Variants in ANO10 observed in about 807,000 individuals in gnomAD.
The protein encoded by ANO10 is anoctamin-10.
ANO10 carries 77 observed loss-of-function variants against 74.7 expected under a neutral mutation model. The ratio of observed to expected loss-of-function variants is 1.03; its 90% CI spans 0.86 to 1.25. The LOEUF is 1.25. ANO10 is among the 50% of genes most tolerant of loss of function. The pLI, the probability that ANO10 is intolerant of heterozygous loss-of-function variation, is 0.00. For synonymous variants in ANO10, 279 were observed against 284.9 expected (o/e 0.98, Z 0.21); for missense variants, 721 against 778.1 (o/e 0.93, Z 0.87).
At position 43,524,459 on chromosome 3, in the gene ANO10, C is replaced by A. The variant is rs184131097; in HGVS notation, c.1797+25261G>T. On this transcript the variant is annotated intron_variant, in intron 11 of 12. Transcript: ENST00000292246. ...CAGTTCCTGCATTTACAGTCCACCC[C>A]ACAGCAGTAATCTGGCCTGGCCCTA... Among the ~76,000 whole-genome samples the A allele has an allele frequency of 1.3e-4, 20 of 152,224 alleles. No homozygotes were observed. In the East Asian group the frequency reaches 3.5e-3, roughly 26 times the overall value.
At chr3:43,367,107 C>T in intron 12 of ANO10, 133 bp from the exon 13 acceptor site, 1 of 800,896 alleles carries the variant, frequency 1.2e-6, no homozygotes, top group Admixed American at 2.0e-5. Flanking sequence ...CCTGCAGCTT[C>T]CTGCAAGTCC....
intron 10 of ANO10, chr3:43,551,397 G>T: frequency 2.5e-6 from 1 of 395,252 alleles, no homozygotes; most frequent in East Asian, 7.6e-5. Flanking sequence ...CACCTATATT[G>T]AGTTATAATT....
chr3:43,407,325 G>A (rs2092594500), intron 12 of ANO10, among the ~76,000 whole-genome samples: 1 of 152,286 alleles, frequency 6.6e-6, no homozygotes, highest in Non-Finnish European at 1.5e-5. Context: ...CGCGCAGACT[G>A]GAATTCAGAC....
intron 11 of ANO10, chr3:43,484,864 C>T (rs66842319): frequency 0.25 from 140,909 of 573,828 alleles, 18,819 homozygotes; most frequent in Middle Eastern, 0.34. Flanking sequence ...CTGTGTTCTC[C>T]GCCAACAGGC....
At chr3:43,667,072 G>GTTTTTT (rs55764466) in intron 1 of ANO10, among the ~76,000 whole-genome samples, 13 of 56,140 alleles carry the variant, frequency 2.3e-4, no homozygotes, top group East Asian at 6.2e-4. Flanking sequence ...TACAATGCAT[G>GTTTTTT]TTTTTTTTTT....
intron 11 of ANO10, among the ~76,000 whole-genome samples, chr3:43,487,254 T>C (rs1307487399): frequency 6.6e-6 from 1 of 152,084 alleles, no homozygotes; most frequent in Non-Finnish European, 1.5e-5. Flanking sequence ...AGGATATTGG[T>C]CTAAAATTCT....
At chr3:43,439,841 C>T (rs537531051) in intron 11 of ANO10, among the ~76,000 whole-genome samples, 33 of 152,138 alleles carry the variant, frequency 2.2e-4, no homozygotes, top group South Asian at 1.0e-3. Flanking sequence ...GTGATTGTGC[C>T]GCTCCATTCC....
chr3:43,504,814 G>T (rs1280237001), intron 11 of ANO10, among the ~76,000 whole-genome samples: 1 of 151,936 alleles, frequency 6.6e-6, no homozygotes, highest in Non-Finnish European at 1.5e-5. Flanking sequence ...GCTAATTTTT[G>T]TATTTTTAGT....
rs539165583 is a variant in ANO10 at position 43,675,071 on chromosome 3, ATACT to A, written c.-12+16442_-12+16445del. Among the ~76,000 whole-genome samples, 108 of 152,334 alleles carry A rather than the reference ATACT, an allele frequency of 7.1e-4. 1 individual carries two copies. Among genetic ancestry groups the A allele is most frequent in the South Asian group, 3.7e-3 (18 of 4,824 alleles). On this transcript the variant is annotated intron_variant, in intron 1 of 3. Coordinates refer to the ANO10 transcript ENST00000413397. Reference sequence around the variant, plus strand: ...ATCGATCATGTTTTACACATCTCACATACTAAATAAGAGCATAAGAGTCTACCTA... The same window carrying A: ...ATCGATCATGTTTTACACATCTCACAAAATAAGAGCATAAGAGTCTACCTA...
intron 1 of ANO10, among the ~76,000 whole-genome samples, chr3:43,688,829 G>C (rs891884732): frequency 6.6e-6 from 1 of 150,800 alleles, no homozygotes; most frequent in African/African-American, 2.4e-5. Context: ...GGGCAACAGA[G>C]TGAAACTCCG....
chr3:43,607,346 AC>A (rs1270504414), intron 1 of ANO10, among the ~76,000 whole-genome samples: 2 of 151,520 alleles, frequency 1.3e-5, no homozygotes, highest in African/African-American at 2.4e-5. Context: ...AAAAAAAAAA[AC>A]AAAACAAACA....
chr3:43,691,068 T>G, intron 1 of ANO10: 1 of 1,527,316 alleles, frequency 6.5e-7, no homozygotes, highest in Non-Finnish European at 8.8e-7. Context: ...GGGCTTCGTG[T>G]GTCTCCGGCG....
intron 11 of ANO10, among the ~76,000 whole-genome samples, chr3:43,480,547 A>G (rs2076227461): frequency 6.6e-6 from 1 of 152,230 alleles, no homozygotes; most frequent in Non-Finnish European, 1.5e-5. Flanking sequence ...TGGAGGGCAG[A>G]TGGGCATAAA....
At chr3:43,400,991 A>ATC (rs2092471337) in intron 12 of ANO10, among the ~76,000 whole-genome samples, 1 of 152,094 alleles carries the variant, frequency 6.6e-6, no homozygotes, top group Non-Finnish European at 1.5e-5. Flanking sequence ...TTCATGATGG[A>ATC]CTTTAGTCTG....
At chr3:43,517,149 C>T (rs567255194) in intron 11 of ANO10, among the ~76,000 whole-genome samples, 2 of 152,150 alleles carry the variant, frequency 1.3e-5, no homozygotes, top group Non-Finnish European at 2.9e-5. Context: ...TTTTTATAAT[C>T]TAATCTCTTG....
rs1182501393 is a variant in ANO10, at chr3:43,552,726, A to ATATGTATG, written c.1668+2544_1668+2551dup. Among the ~76,000 whole-genome samples, 133 of 95,566 alleles carry ATATGTATG rather than the reference A, an allele frequency of 1.4e-3. 1 individual carries two copies. Among genetic ancestry groups the ATATGTATG allele is most frequent in the African/African-American group, 3.7e-3 (91 of 24,618 alleles). The allele number at this position is 95,566 out of a possible 152,430, so 62.7% of individuals were successfully genotyped here. A position where few individuals can be genotyped will look rare whatever the true frequency, so the allele number is the denominator to read the frequency against. On this transcript the variant is annotated intron_variant, in intron 10 of 12. Transcript: ENST00000292246. ...TATATATATATATATATATATATAT[A>ATATGTATG]TATGTATGTATGTATGTATGTATGT... is the stretch of plus-strand genomic sequence containing the variant.
chr3:43,380,611 AG>A (rs764860332), intron 12 of ANO10, among the ~76,000 whole-genome samples: 30 of 152,358 alleles, frequency 2.0e-4, no homozygotes, highest in Middle Eastern at 3.4e-3. Flanking sequence ...AATGAAGGAA[AG>A]ATACAGTCTT....
At chr3:43,519,681 C>T (rs1040642086) in intron 11 of ANO10, among the ~76,000 whole-genome samples, 1 of 152,040 alleles carries the variant, frequency 6.6e-6, no homozygotes, top group African/African-American at 2.4e-5. Context: ...CATGCTTATC[C>T]CTTCACTCAT....
intron 11 of ANO10, among the ~76,000 whole-genome samples, chr3:43,467,800 T>C (rs892025291): frequency 6.6e-6 from 1 of 152,238 alleles, no homozygotes; most frequent in African/African-American, 2.4e-5. Context: ...TGATCCTTCC[T>C]TAACTCTTCT....
Sources: allele counts gnomAD v4.1 joint callset (sites outside exome capture counted in the v4.1 genomes callset), GRCh38; gene constraint gnomAD v4.1.1; transcripts MANE v1.5; gene names NCBI Gene and HGNC (gene_info 2026-07-23, HGNC 2026-07-21).